PIWIL2: variants seen among roughly 807,000 people sequenced by gnomAD.
The protein encoded by PIWIL2 is piwi-like protein 2.
Under a neutral mutation model 116.5 loss-of-function variants are expected in PIWIL2, and 81 were observed. That is an observed-to-expected ratio of 0.70 (90% confidence interval 0.58 to 0.84). The LOEUF is 0.84. Ranked by LOEUF, PIWIL2 falls within the 40% of genes least tolerant of loss-of-function variation. The pLI, the probability that PIWIL2 is intolerant of heterozygous loss-of-function variation, is 0.00. For synonymous variants in PIWIL2, 489 were observed against 429.5 expected, an observed-to-expected ratio of 1.14 and a Z score of -1.71; for missense variants, 1,272 against 1,212.3, an observed-to-expected ratio of 1.05 and a Z score of -0.73.
At chr8:22,293,337 C>A (rs1340190634) in intron 10 of PIWIL2, among the ~76,000 whole-genome samples, 3 of 149,940 alleles carry the variant, frequency 2.0e-5, no homozygotes, top group African/African-American at 7.4e-5. Context: ...TTTTATTTTC[C>A]TTTTTTTTTT....
At chr8:22,296,020 CT>C (rs67357452) in intron 10 of PIWIL2, among the ~76,000 whole-genome samples, 698 of 101,848 alleles carry the variant, frequency 6.9e-3, no homozygotes, top group Non-Finnish European at 1.0e-2. Flanking sequence ...CTCTTCCCTT[CT>C]TTTTTTTTTT....
At chr8:22,288,377 G>C (rs186192587) in intron 7 of PIWIL2, among the ~76,000 whole-genome samples, 165 bp from the exon 8 acceptor site, 10 of 151,864 alleles carry the variant, frequency 6.6e-5, no homozygotes, top group Admixed American at 5.2e-4. Context: ...AATCGTAGTT[G>C]TCATGCTGTG....
rs1832479172 is a variant in PIWIL2 at position 22,355,858 on chromosome 8, G to T, written c.*353G>T. The T allele has an allele frequency of 4.3e-6, 1 of 233,252 alleles. No individual in the cohort carries two copies. Among genetic ancestry groups the T allele is most frequent in the Non-Finnish European group, 8.8e-6 (1 of 113,962 alleles). 14.4% of individuals were successfully genotyped at this position (233,252 alleles called of 1,614,324 possible). On this transcript the variant is annotated 3_prime_UTR_variant, in exon 23 of 23. Coordinates refer to ENST00000356766, the MANE Select transcript of PIWIL2 (RefSeq NM_018068.5). ...GGAGGCCGAGGCGGGTGGATCATGAGGTCAGGAGATCAAGACCATCCTGGC... is the reference window on the plus strand; with the variant it reads ...GGAGGCCGAGGCGGGTGGATCATGATGTCAGGAGATCAAGACCATCCTGGC...
At chr8:22,312,023 G>A (rs1485610127) in intron 16 of PIWIL2, among the ~76,000 whole-genome samples, 1 of 152,058 alleles carries the variant, frequency 6.6e-6, no homozygotes, top group African/African-American at 2.4e-5. Flanking sequence ...CAGCACGTTG[G>A]GATGCTGAGG....
chr8:22,295,962 C>G (rs139641583), intron 10 of PIWIL2, among the ~76,000 whole-genome samples: 1 of 148,332 alleles, frequency 6.7e-6, no homozygotes, highest in South Asian at 2.1e-4. Flanking sequence ...GGCTTCAGTT[C>G]GGCTGGTTGC....
At chr8:22,283,490 C>T (rs1231649645) in intron 5 of PIWIL2, among the ~76,000 whole-genome samples, 2 of 152,234 alleles carry the variant, frequency 1.3e-5, no homozygotes, top group Non-Finnish European at 2.9e-5. Context: ...CTCATTGTAA[C>T]CTCCGCCTCG....
intron 20 of PIWIL2, chr8:22,321,799 T>G: frequency 1.1e-6 from 1 of 927,440 alleles, no homozygotes; most frequent in South Asian, 5.0e-5. Context: ...GGTTCTAAGA[T>G]TCTGACTACC....
chr8:22,287,061 G>A (rs1830644307), intron 6 of PIWIL2, among the ~76,000 whole-genome samples: 2 of 151,866 alleles, frequency 1.3e-5, no homozygotes, highest in Admixed American at 6.6e-5. Flanking sequence ...CTTCAGCCTG[G>A]GTGACAAAGG....
chr8:22,282,244 CTTTTTTTTTTT>C (rs34130038), intron 4 of PIWIL2, among the ~76,000 whole-genome samples: 1 of 33,570 alleles, frequency 3.0e-5, no homozygotes, highest in Non-Finnish European at 5.4e-5. Flanking sequence ...CCACACCCGG[CTTTTTTTTTTT>C]TTTTTTTTTT....
At chr8:22,296,020 C>CTTTTTTTTTTTTTTTTTTTTTTTTTTTT in intron 10 of PIWIL2, among the ~76,000 whole-genome samples, 1 of 102,846 alleles carries the variant, frequency 9.7e-6, no homozygotes, top group Non-Finnish European at 2.0e-5. Flanking sequence ...CTCTTCCCTT[C>CTTTTTTTTTTTTTTTTTTTTTTTTTTTT]TTTTTTTTTT....
Position 22,354,263 on chromosome 8 carries a change from C to T in PIWIL2, c.2658-8C>T, listed in dbSNP as rs766725417. Reference sequence around the variant, plus strand: ...ACCATTTCACTGATTTATGGTTTTCCTTCCTAGGGTGGATTTCTATCTTCT... The same window carrying T: ...ACCATTTCACTGATTTATGGTTTTCTTTCCTAGGGTGGATTTCTATCTTCT... On this transcript the variant is annotated splice_polypyrimidine_tract_variant and splice_region_variant and intron_variant, in intron 21 of 22. Coordinates refer to ENST00000356766, the MANE Select transcript of PIWIL2 (RefSeq NM_018068.5). The T allele has an allele frequency of 3.8e-6, 6 of 1,586,190 alleles. No homozygotes were observed. The Admixed American group carries it at 1.0e-4, about 26-fold the overall frequency.
rs139891929 is a variant in PIWIL2 at position 22,284,582 on chromosome 8, G to C, written c.743+310G>C. Among the ~76,000 whole-genome samples the C allele has an allele frequency of 1.4e-3, 218 of 152,160 alleles. 1 individual carries two copies. The highest frequency in any genetic ancestry group is 5.0e-3 in the African/African-American group (209 of 41,502). ...AAAACTTGCATTAGGTGTCTTCCAT[G>C]ATCTTTTAACTTATTTTGTATGTGT... On this transcript the variant is annotated intron_variant, in intron 6 of 22. Transcript: ENST00000356766.
At chr8:22,321,359 C>A (rs965188690) in intron 20 of PIWIL2, among the ~76,000 whole-genome samples, 3 of 152,122 alleles carry the variant, frequency 2.0e-5, no homozygotes, top group African/African-American at 7.2e-5. Context: ...GCGATCCTCC[C>A]ACCTCAGCTT....
At chr8:22,354,799 G>A (rs899823677) in intron 22 of PIWIL2, among the ~76,000 whole-genome samples, 7 of 152,190 alleles carry the variant, frequency 4.6e-5, no homozygotes, top group Admixed American at 3.9e-4. Context: ...GCTGGGTGCG[G>A]TGGCTCACGC....
At chr8:22,309,607 G>A (rs1831276589) in intron 14 of PIWIL2, among the ~76,000 whole-genome samples, 1 of 152,196 alleles carries the variant, frequency 6.6e-6, no homozygotes, top group African/African-American at 2.4e-5. Context: ...CCAAAGTGCT[G>A]GGATTACAGG....
chr8:22,355,067 CAA>C (rs775081187), intron 22 of PIWIL2, among the ~76,000 whole-genome samples: 4 of 101,242 alleles, frequency 4.0e-5, no homozygotes, highest in Admixed American at 1.1e-4. Context: ...AAGACTCTGT[CAA>C]AAAAAAAAAA....
intron 13 of PIWIL2, among the ~76,000 whole-genome samples, chr8:22,306,986 C>G (rs1262572777): frequency 1.3e-5 from 2 of 152,284 alleles, no homozygotes; most frequent in East Asian, 1.9e-4. Flanking sequence ...TTAGATTTTA[C>G]TCAACAATAT....
At chr8:22,319,397 GT>G (rs1831543161) in intron 20 of PIWIL2, among the ~76,000 whole-genome samples, 1 of 152,068 alleles carries the variant, frequency 6.6e-6, no homozygotes, top group South Asian at 2.1e-4. Flanking sequence ...TGTTCTAATT[GT>G]TTTCCTTCGA....
intron 20 of PIWIL2, among the ~76,000 whole-genome samples, chr8:22,340,045 A>ATTTTTTTTTTTTTTTTTTTTTTTTTTTTT: frequency 1.1e-5 from 1 of 93,772 alleles, no homozygotes; most frequent in Non-Finnish European, 1.9e-5. Context: ...TATAAAAAGA[A>ATTTTTTTTTTTTTTTTTTTTTTTTTTTTT]TTTTTTTTTT....
Sources: allele counts gnomAD v4.1 joint callset (sites outside exome capture counted in the v4.1 genomes callset), GRCh38; gene constraint gnomAD v4.1.1; transcripts MANE v1.5; gene names NCBI Gene and HGNC (gene_info 2026-07-23, HGNC 2026-07-21).